The following CUX1 variants were observed in gnomAD, a reference collection of about 807,000 sequenced individuals.
The protein encoded by CUX1 is protein CASP.
A neutral mutation model predicts 158.8 loss-of-function variants in CUX1; 31 were observed. The observed-to-expected ratio is 0.20, with a 90% CI of 0.15 to 0.26. The LOEUF (loss-of-function observed/expected upper bound fraction) is 0.26, where lower values mean the gene tolerates loss of function less well. Ranked by LOEUF, CUX1 falls within the 10% of genes least tolerant of loss-of-function variation. The probability of loss-of-function intolerance (pLI) is 1.00; values close to 1 mark genes in which losing one functional copy is unlikely to be tolerated. For synonymous variants in CUX1, 879 were observed against 862.1 expected (o/e 1.02, Z -0.34); for missense variants, 1,589 against 2,014.6 (o/e 0.79, Z 4.04).
At position 102,200,147 on chromosome 7, in the gene CUX1, G is replaced by A; in HGVS notation, c.2037G>A (p.Lys679=). Residue 679 remains lysine (K), a synonymous_variant, in exon 17 of 24, where the codon AAG becomes AAA. Coordinates refer to ENST00000292535, the MANE Select transcript of CUX1 (RefSeq NM_181552.4). ...TCAAGTCCATCCTAGAGCAAGCCAA[G>A]AGGGAGCTCCAAGTGCAGAAAACTG... is the stretch of plus-strand genomic sequence containing the variant. ...EAIKSILEQA[K]RELQVQKTAE... 1 of 1,611,948 alleles carries A rather than the reference G, an allele frequency of 6.2e-7. No individual in the cohort carries two copies. Among genetic ancestry groups the A allele is most frequent in the Non-Finnish European group, 8.5e-7 (1 of 1,179,288 alleles).
intron 2 of CUX1, among the ~76,000 whole-genome samples, chr7:101,932,111 T>C (rs981741311): frequency 6.6e-6 from 1 of 152,220 alleles, no homozygotes; most frequent in Admixed American, 6.5e-5. Context: ...GAGCCAGGCA[T>C]AAAAATAAAC....
rs1223709004 is a variant in CUX1, at chr7:101,916,729, A to G, written c.141+504A>G. 6.5e-6 allele frequency: 1 copy of G among 154,342 alleles called. No individual in the cohort carries two copies. Among genetic ancestry groups the G allele is most frequent in the Non-Finnish European group, 1.4e-5 (1 of 69,376 alleles). 9.6% of individuals were successfully genotyped at this position (154,342 alleles called of 1,614,324 possible). The stretch of plus-strand genomic sequence containing the variant: ...ACATTTCGCCTGCTAGGCCTTTTAA[A>G]TGCCTCTCTGTTTCTTGAAATATGC... On this transcript the variant is annotated intron_variant, in intron 2 of 23. Transcript: ENST00000292535. The surrounding 1 kb of genome is among the most constrained non-coding windows in gnomAD (Gnocchi z 4.4).
intron 20 of CUX1, among the ~76,000 whole-genome samples, chr7:102,226,961 A>G (rs1221447104): frequency 2.0e-5 from 3 of 152,114 alleles, no homozygotes; most frequent in African/African-American, 7.2e-5. Flanking sequence ...CAATCTGTCT[A>G]TGCTTTTTGT....
chr7:102,142,890 C>T (rs1385424889), intron 8 of CUX1, among the ~76,000 whole-genome samples: 1 of 152,070 alleles, frequency 6.6e-6, no homozygotes, highest in Non-Finnish European at 1.5e-5. Flanking sequence ...CCACTGCACT[C>T]CAGCCTGGGC....
chr7:102,265,985 C>T (rs1263516537), intron 14 of CUX1, among the ~76,000 whole-genome samples: 3 of 152,112 alleles, frequency 2.0e-5, no homozygotes, highest in Non-Finnish European at 2.9e-5. Flanking sequence ...GGGTGGGTCA[C>T]TTCAAGCCAG....
At chr7:101,859,345 G>T (rs147629630) in intron 1 of CUX1, among the ~76,000 whole-genome samples, 1 of 152,184 alleles carries the variant, frequency 6.6e-6, no homozygotes, top group Non-Finnish European at 1.5e-5. Flanking sequence ...CCAATTGACC[G>T]TATCCGGGGC....
chr7:102,221,718 T>C (rs967941388), intron 20 of CUX1, among the ~76,000 whole-genome samples: 2 of 146,008 alleles, frequency 1.4e-5, no homozygotes, highest in Admixed American at 7.0e-5. Flanking sequence ...GCTCCTCTTA[T>C]GCCAGATTCA....
At chr7:102,203,456 G>A (rs571152702) in intron 18 of CUX1, among the ~76,000 whole-genome samples, 7 of 152,168 alleles carry the variant, frequency 4.6e-5, no homozygotes, top group East Asian at 1.9e-4. Flanking sequence ...GTCCGATGGC[G>A]AACTTTGCCC....
chr7:102,265,335 A>C (rs1341707093), intron 14 of CUX1, among the ~76,000 whole-genome samples: 1 of 146,004 alleles, frequency 6.8e-6, no homozygotes, highest in Non-Finnish European at 1.5e-5. Context: ...CAGCCTGGGC[A>C]ACAAGAGCAA....
intron 8 of CUX1, among the ~76,000 whole-genome samples, chr7:102,143,554 T>C (rs538980590): frequency 2.9e-4 from 44 of 152,230 alleles, no homozygotes; most frequent in Middle Eastern, 3.4e-3. Context: ...ATTACAGGTG[T>C]GAGTCACTGC....
intron 8 of CUX1, among the ~76,000 whole-genome samples, chr7:102,141,040 C>T (rs1333907130): frequency 6.6e-6 from 1 of 152,046 alleles, no homozygotes; most frequent in East Asian, 1.9e-4. Flanking sequence ...AGATTCATGG[C>T]CAAATCCAAT....
chr7:101,970,466 C>T lies in CUX1; in HGVS notation c.141+54241C>T, dbSNP rs140244398. ...GCCAAACCCCACCGAGGTTTGCACA[C>T]ACCCCAGGATTGCAGAACCTGAGCT... is the stretch of plus-strand genomic sequence containing the variant. On this transcript the variant is annotated intron_variant, in intron 2 of 23. Coordinates refer to ENST00000292535, the MANE Select transcript of CUX1 (RefSeq NM_181552.4). 1.9e-3 allele frequency among the ~76,000 whole-genome samples: 282 copies of T among 152,286 alleles called. 2 individuals carry two copies. The highest frequency in any genetic ancestry group is 3.3e-3 in the Non-Finnish European group (226 of 68,024).
At chr7:101,851,180 A>G (rs1363867956) in intron 1 of CUX1, among the ~76,000 whole-genome samples, 1 of 152,216 alleles carries the variant, frequency 6.6e-6, no homozygotes, top group Non-Finnish European at 1.5e-5. Flanking sequence ...TCAATTTTCA[A>G]ATATACAGTG....
At chr7:101,891,025 G>T (rs1435575907) in intron 1 of CUX1, among the ~76,000 whole-genome samples, 1 of 151,900 alleles carries the variant, frequency 6.6e-6, no homozygotes, top group South Asian at 2.1e-4. Flanking sequence ...ATATGATTTT[G>T]TGTCACATTT....
intron 2 of CUX1, among the ~76,000 whole-genome samples, chr7:101,947,606 C>G (rs1398747088): frequency 2.0e-5 from 3 of 151,996 alleles, no homozygotes; most frequent in Admixed American, 6.6e-5. Context: ...TCAAAGTGCA[C>G]AATACAGTCT....
intron 2 of CUX1, among the ~76,000 whole-genome samples, chr7:101,922,956 C>G (rs1218465690): frequency 6.6e-6 from 1 of 152,270 alleles, no homozygotes; most frequent in African/African-American, 2.4e-5. Flanking sequence ...CTAGCTCTCG[C>G]AAACCCCAGA....
chr7:102,118,582 C>T (rs564060307), intron 8 of CUX1, among the ~76,000 whole-genome samples: 1 of 152,192 alleles, frequency 6.6e-6, no homozygotes, highest in East Asian at 1.9e-4. Context: ...ATTGGAGAGG[C>T]ATGAAGGAAG....
At chr7:101,950,416 T>A (rs540428171) in intron 2 of CUX1, among the ~76,000 whole-genome samples, 101 of 150,714 alleles carry the variant, frequency 6.7e-4, no homozygotes, top group Admixed American at 1.5e-3. Flanking sequence ...GTTGTTTTTT[T>A]AAAAAAAAAA....
intron 1 of CUX1, among the ~76,000 whole-genome samples, chr7:101,849,913 T>A (rs1022519594): frequency 6.9e-4 from 54 of 78,512 alleles, no homozygotes; most frequent in African/African-American, 2.5e-3. Context: ...TCTCATGCAA[T>A]TTTTTTTTTT....
Sources: allele counts gnomAD v4.1 joint callset (sites outside exome capture counted in the v4.1 genomes callset), GRCh38; gene constraint gnomAD v4.1.1; non-coding constraint Gnocchi (gnomAD v3.1); transcripts MANE v1.5; gene names NCBI Gene and HGNC (gene_info 2026-07-23, HGNC 2026-07-21).